The following CACNA2D3 variants were observed in gnomAD, a reference collection of about 807,000 sequenced individuals.
The protein encoded by CACNA2D3 is voltage-dependent calcium channel subunit alpha-2/delta-3.
In CACNA2D3, 60 loss-of-function variants were observed where a neutral mutation model predicts 160.6. The ratio of observed to expected loss-of-function variants is 0.37; its 90% CI spans 0.30 to 0.46. The LOEUF (loss-of-function observed/expected upper bound fraction) is 0.46. Ranked by LOEUF, CACNA2D3 falls within the 20% of genes least tolerant of loss-of-function variation. The pLI is 1.00. For synonymous variants in CACNA2D3, 558 were observed against 492.9 expected, an observed-to-expected ratio of 1.13 and a Z score of -1.75; for missense variants, 1,205 against 1,365.0, an observed-to-expected ratio of 0.88 and a Z score of 1.85.
intron 2 of CACNA2D3, among the ~76,000 whole-genome samples, chr3:54,316,483 A>G (rs971189463): frequency 2.6e-5 from 4 of 152,184 alleles, no homozygotes; most frequent in Non-Finnish European, 5.9e-5. Context: ...CTTTTTGCTT[A>G]TGAGATACTT....
chr3:54,644,138 G>A (rs150366092), intron 11 of CACNA2D3, among the ~76,000 whole-genome samples: 220 of 152,200 alleles, frequency 1.4e-3, no homozygotes, highest in African/African-American at 4.8e-3. Flanking sequence ...TAGGATGAGG[G>A]CTGCAAAGTC....
At chr3:54,484,327 T>C (rs543921298) in intron 4 of CACNA2D3, among the ~76,000 whole-genome samples, 1 of 152,340 alleles carries the variant, frequency 6.6e-6, no homozygotes, top group South Asian at 2.1e-4. Context: ...AGGTACAGCC[T>C]GTTGGAAATC....
At chr3:54,778,196 CCACT>C (rs1044673361) in intron 13 of CACNA2D3, among the ~76,000 whole-genome samples, 4 of 152,124 alleles carry the variant, frequency 2.6e-5, no homozygotes, top group African/African-American at 9.7e-5. Context: ...GATCTTATGA[CCACT>C]CACTCACTGT....
chr3:54,520,461 G>A (rs1000768491), intron 5 of CACNA2D3, among the ~76,000 whole-genome samples: 3 of 152,222 alleles, frequency 2.0e-5, no homozygotes, highest in Non-Finnish European at 4.4e-5. Flanking sequence ...TCCGTGGACA[G>A]CATCAGGAAG....
intron 27 of CACNA2D3, among the ~76,000 whole-genome samples, chr3:54,958,759 G>A (rs981109180): frequency 6.6e-6 from 1 of 151,792 alleles, no homozygotes; most frequent in South Asian, 2.1e-4. Flanking sequence ...TCATTGCCTG[G>A]GGATGTTCTG....
At chr3:54,187,005 C>T (rs938116788) in intron 2 of CACNA2D3, among the ~76,000 whole-genome samples, 1 of 152,218 alleles carries the variant, frequency 6.6e-6, no homozygotes, top group African/African-American at 2.4e-5. Flanking sequence ...ACAAGAGACA[C>T]TGTGACCACT....
intron 29 of CACNA2D3, among the ~76,000 whole-genome samples, 181 bp from the exon 30 acceptor site, chr3:54,984,427 G>A (rs747456647): frequency 7.2e-5 from 11 of 152,238 alleles, no homozygotes; most frequent in Non-Finnish European, 1.3e-4. Context: ...AAACACCGGG[G>A]TTATCTTAAC....
At chr3:54,450,820 C>T (rs1700293567) in intron 4 of CACNA2D3, among the ~76,000 whole-genome samples, 2 of 152,164 alleles carry the variant, frequency 1.3e-5, no homozygotes, top group African/African-American at 4.8e-5. Flanking sequence ...AAAGGTCCCA[C>T]ATCTCATCTT....
intron 35 of CACNA2D3, among the ~76,000 whole-genome samples, chr3:55,035,497 G>T (rs1159231011): frequency 6.6e-6 from 1 of 152,184 alleles, no homozygotes; most frequent in African/African-American, 2.4e-5. Context: ...AAGTGCTCAG[G>T]ATGTATAAAG....
At position 54,229,494 on chromosome 3, in the gene CACNA2D3, A is replaced by AATTTTTT. The variant is rs527704617; in HGVS notation, c.205-90934_205-90928dup. 8.2e-4 allele frequency among the ~76,000 whole-genome samples: 124 copies of AATTTTTT among 151,916 alleles called. 1 individual carries two copies. The highest frequency in any genetic ancestry group is 1.1e-3 in the Non-Finnish European group (72 of 67,948). ...AGGCGTGAGCCACCGTGCCCGGCCA[A>AATTTTTT]ATTTTTTATTTTTTATTTTTAGTAG... On this transcript the variant is annotated intron_variant, in intron 2 of 37. Transcript: ENST00000474759.
At chr3:54,560,179 T>G (rs1391331495) in intron 5 of CACNA2D3, among the ~76,000 whole-genome samples, 5 of 152,254 alleles carry the variant, frequency 3.3e-5, no homozygotes, top group Non-Finnish European at 5.9e-5. Context: ...CCACAATGGT[T>G]GAACTAATTT....
chr3:55,032,878 C>T (rs1703711364), intron 35 of CACNA2D3, among the ~76,000 whole-genome samples: 1 of 133,358 alleles, frequency 7.5e-6, no homozygotes, highest in Non-Finnish European at 1.5e-5. Flanking sequence ...TAAAGTAGTG[C>T]TCAGAAAGCT....
chr3:54,348,506 G>T (rs2107530850), intron 3 of CACNA2D3, among the ~76,000 whole-genome samples: 1 of 152,288 alleles, frequency 6.6e-6, no homozygotes, highest in South Asian at 2.1e-4. Flanking sequence ...ATGATACTAT[G>T]AACTCAGCAG....
chr3:54,782,117 G>A (rs2107131498), intron 13 of CACNA2D3, among the ~76,000 whole-genome samples: 1 of 152,282 alleles, frequency 6.6e-6, no homozygotes, highest in East Asian at 1.9e-4. Flanking sequence ...TTTGGTGTTG[G>A]TCAGAGATAA....
intron 4 of CACNA2D3, among the ~76,000 whole-genome samples, chr3:54,483,472 C>A (rs1700966481): frequency 6.6e-6 from 1 of 152,188 alleles, no homozygotes; most frequent in South Asian, 2.1e-4. Flanking sequence ...CAGAGCAGTT[C>A]CCCGATCTGT....
At chr3:54,846,348 C>T (rs985590741) in intron 16 of CACNA2D3, 45 bp from the exon 17 acceptor site, 3 of 1,303,576 alleles carry the variant, frequency 2.3e-6, no homozygotes, top group Non-Finnish European at 3.3e-6. Context: ...GTGAATTCAC[C>T]AGGGAGCAAG....
chr3:55,041,232 A>G (rs1227274481), intron 35 of CACNA2D3, among the ~76,000 whole-genome samples: 1 of 152,194 alleles, frequency 6.6e-6, no homozygotes, highest in Non-Finnish European at 1.5e-5. Context: ...TGATCTTACA[A>G]TGAACAGCTT....
intron 5 of CACNA2D3, among the ~76,000 whole-genome samples, chr3:54,506,158 G>A (rs1701365403): frequency 6.6e-6 from 1 of 151,930 alleles, no homozygotes; most frequent in Non-Finnish European, 1.5e-5. Context: ...ATTCAAAACA[G>A]CCCCTAACAG....
At chr3:55,013,937 G>T (rs1451032171) in intron 34 of CACNA2D3, among the ~76,000 whole-genome samples, 2 of 152,120 alleles carry the variant, frequency 1.3e-5, no homozygotes, top group Non-Finnish European at 2.9e-5. Context: ...TTGTGCGGAC[G>T]CTCCCTTGGG....
Sources: allele counts gnomAD v4.1 joint callset (sites outside exome capture counted in the v4.1 genomes callset), GRCh38; gene constraint gnomAD v4.1.1; transcripts MANE v1.5; gene names NCBI Gene and HGNC (gene_info 2026-07-23, HGNC 2026-07-21).